The following ARL15 variants were observed in gnomAD, a reference collection of about 807,000 sequenced individuals.
The protein encoded by ARL15 is ARF like GTPase 15.
ARL15 carries 19 observed loss-of-function variants against 25.2 expected under a neutral mutation model. The observed-to-expected ratio is 0.75, with a 90% CI of 0.53 to 1.10. The LOEUF (loss-of-function observed/expected upper bound fraction) is 1.10, where lower values mean the gene tolerates loss of function less well. Ranked by LOEUF, ARL15 falls within the 50% of genes least tolerant of loss-of-function variation. The pLI, the probability that ARL15 is intolerant of heterozygous loss-of-function variation, is 0.00. For synonymous variants in ARL15, 94 were observed against 86.8 expected (o/e 1.08, Z -0.46); for missense variants, 220 against 246.0 (o/e 0.89, Z 0.71).
At chr5:54,110,596 C>T (rs1399771209) in intron 4 of ARL15, among the ~76,000 whole-genome samples, 3 of 151,960 alleles carry the variant, frequency 2.0e-5, no homozygotes, top group Non-Finnish European at 4.4e-5. Flanking sequence ...ATCTTTTTAG[C>T]ATTGGTAAAT....
intron 1 of ARL15, among the ~76,000 whole-genome samples, chr5:54,217,951 C>A (rs1234427540): frequency 1.3e-5 from 2 of 152,018 alleles, no homozygotes; most frequent in Non-Finnish European, 2.9e-5. Context: ...AAAAATCACC[C>A]AAACATTGCT....
intron 4 of ARL15, among the ~76,000 whole-genome samples, chr5:54,091,401 T>G (rs997601218): frequency 5.9e-5 from 9 of 152,158 alleles, no homozygotes; most frequent in Non-Finnish European, 1.0e-4. Flanking sequence ...AGAATGTTAC[T>G]CAAACATAAG....
intron 1 of ARL15, among the ~76,000 whole-genome samples, chr5:54,284,529 AT>A (rs1415637322): frequency 1.4e-4 from 22 of 152,276 alleles, no homozygotes; most frequent in African/African-American, 5.3e-4. Context: ...TCTAGCACCT[AT>A]CATGAGAGAA....
rs973119670 is a variant in ARL15 at position 53,886,359 on chromosome 5, G to T, written c.*202C>A. 1.8e-6 allele frequency: 1 copy of T among 550,920 alleles called. No homozygotes were observed. The highest frequency in any genetic ancestry group is 3.1e-6 in the Non-Finnish European group (1 of 318,796). 34.1% of individuals were successfully genotyped at this position (550,920 alleles called of 1,614,324 possible). On this transcript the variant is annotated 3_prime_UTR_variant, in exon 5 of 5. Transcript: ENST00000504924. ...TAAACAGAGAATAAATTCTCTCTCAGTAGTGTGTACTTGACGTTAATGCCG... is the reference window on the plus strand; with the variant it reads ...TAAACAGAGAATAAATTCTCTCTCATTAGTGTGTACTTGACGTTAATGCCG...
At chr5:53,920,234 T>C (rs984583014) in intron 4 of ARL15, among the ~76,000 whole-genome samples, 1 of 152,172 alleles carries the variant, frequency 6.6e-6, no homozygotes, top group African/African-American at 2.4e-5. Flanking sequence ...AGTAGCCCAA[T>C]TTTAGAAACT....
rs1176237886 is a variant in ARL15 at position 53,886,519 on chromosome 5, T to C, written c.*42A>G. The C allele has an allele frequency of 2.6e-6, 4 of 1,515,834 alleles. No individual in the cohort carries two copies. Among genetic ancestry groups the C allele is most frequent in the South Asian group, 2.6e-5 (2 of 78,194 alleles). 93.9% of individuals were successfully genotyped at this position (1,515,834 alleles called of 1,614,324 possible). On this transcript the variant is annotated 3_prime_UTR_variant, in exon 5 of 5. Coordinates refer to ENST00000504924, the MANE Select transcript of ARL15 (RefSeq NM_019087.3). ...AAATTAAAATGAGAAACTAACATGA[T>C]AGGTTCAAGGCCTTTTGGGAGCCTG...
intron 4 of ARL15, among the ~76,000 whole-genome samples, chr5:53,988,580 A>C (rs1561178315): frequency 6.6e-6 from 1 of 152,196 alleles, no homozygotes; most frequent in South Asian, 2.1e-4. Context: ...TCAAGTATTG[A>C]ATCAAGATCT....
intron 4 of ARL15, among the ~76,000 whole-genome samples, chr5:54,008,212 T>C (rs1330311942): frequency 6.6e-6 from 1 of 152,110 alleles, no homozygotes; most frequent in African/African-American, 2.4e-5. Flanking sequence ...TGAGGAGAGA[T>C]GAGTAACCAC....
chr5:54,089,575 G>A (rs1171645891), intron 4 of ARL15, among the ~76,000 whole-genome samples: 3 of 152,078 alleles, frequency 2.0e-5, no homozygotes, highest in Non-Finnish European at 4.4e-5. Flanking sequence ...ATTTAAATAA[G>A]TAAATATCCC....
In ARL15 at chr5:54,178,605, T is replaced by C. The variant is rs27370; in HGVS notation, c.49-6677A>G. On this transcript the variant is annotated intron_variant, in intron 1 of 4. Transcript: ENST00000504924. ...TTAAGTGGATATATTTCTTACATAG[T>C]TGGCTTCCAAACCAAAAAGAGGCAG... Among the ~76,000 whole-genome samples, 1,449 of 152,332 alleles carry C rather than the reference T, an allele frequency of 9.5e-3. 58 individuals carry two copies. The highest frequency in any genetic ancestry group is 0.066 in the East Asian group (343 of 5,174).
At chr5:54,105,509 A>G (rs373183732) in intron 4 of ARL15, among the ~76,000 whole-genome samples, 3 of 152,220 alleles carry the variant, frequency 2.0e-5, no homozygotes, top group South Asian at 2.1e-4. Context: ...AGTATTAAAT[A>G]TAAGAATTTT....
intron 4 of ARL15, among the ~76,000 whole-genome samples, chr5:53,921,579 C>A (rs543240638): frequency 6.6e-6 from 1 of 152,276 alleles, no homozygotes; most frequent in Admixed American, 6.5e-5. Context: ...TCAAGACCAG[C>A]CTGGCCAACA....
chr5:53,960,475 T>C (rs1260250902), intron 4 of ARL15, among the ~76,000 whole-genome samples: 1 of 152,174 alleles, frequency 6.6e-6, no homozygotes, highest in African/African-American at 2.4e-5. Flanking sequence ...AATCTAAGGA[T>C]AGAATTTAGA....
chr5:54,097,670 C>T (rs1334711376), intron 4 of ARL15, among the ~76,000 whole-genome samples: 1 of 152,020 alleles, frequency 6.6e-6, no homozygotes, highest in African/African-American at 2.4e-5. Flanking sequence ...AACATGCTAC[C>T]AGAACTTGGT....
chr5:54,259,296 T>C (rs1284509211), intron 1 of ARL15, among the ~76,000 whole-genome samples: 23 of 152,214 alleles, frequency 1.5e-4, no homozygotes, highest in Admixed American at 6.5e-4. Flanking sequence ...AAACTTAACC[T>C]TGGGGTTGGC....
At position 54,113,429 on chromosome 5, in the gene ARL15, A is replaced by G; in HGVS notation, c.254-19T>C. On this transcript the variant is annotated intron_variant, in intron 3 of 4. Transcript: ENST00000504924. ...TCAGCCCCTGTCAAAAACAAAACAA[A>G]TTTTCGTTTTAAAAAGAGCTTTCAG... is the stretch of plus-strand genomic sequence containing the variant. 1 of 1,604,750 alleles carries G rather than the reference A, an allele frequency of 6.2e-7. No homozygotes were observed. The highest frequency in any genetic ancestry group is 1.1e-5 in the South Asian group (1 of 89,238).
intron 4 of ARL15, among the ~76,000 whole-genome samples, chr5:54,056,047 T>C (rs548938965): frequency 9.2e-5 from 14 of 152,248 alleles, no homozygotes; most frequent in African/African-American, 2.9e-4. Context: ...ACATTTATTA[T>C]ACAAAAGGAG....
intron 1 of ARL15, among the ~76,000 whole-genome samples, chr5:54,204,147 C>G (rs1317479399): frequency 1.3e-5 from 2 of 152,136 alleles, no homozygotes; most frequent in Non-Finnish European, 2.9e-5. Flanking sequence ...GAGAGGAAAT[C>G]AATGTCTGTG....
intron 4 of ARL15, among the ~76,000 whole-genome samples, chr5:53,888,606 A>T (rs1744619404): frequency 6.6e-6 from 1 of 152,210 alleles, no homozygotes; most frequent in Non-Finnish European, 1.5e-5. Flanking sequence ...TTGCTTACTG[A>T]AAACACAAAC....
Sources: allele counts gnomAD v4.1 joint callset (sites outside exome capture counted in the v4.1 genomes callset), GRCh38; gene constraint gnomAD v4.1.1; transcripts MANE v1.5; gene names NCBI Gene and HGNC (gene_info 2026-07-23, HGNC 2026-07-21).